The following ATXN7L1 variants were observed in gnomAD, a reference collection of about 807,000 sequenced individuals.
ATXN7L1 encodes ataxin-7-like protein 1.
ATXN7L1 carries 15 observed loss-of-function variants against 70.8 expected under a neutral mutation model. The ratio of observed to expected loss-of-function variants is 0.21; its 90% CI spans 0.14 to 0.33. The LOEUF (loss-of-function observed/expected upper bound fraction) is 0.33. Ranked by LOEUF, ATXN7L1 falls within the 10% of genes least tolerant of loss-of-function variation. The pLI is 1.00. For synonymous variants in ATXN7L1, 440 were observed against 445.1 expected, an observed-to-expected ratio of 0.99 and a Z score of 0.14; for missense variants, 975 against 1,097.1, an observed-to-expected ratio of 0.89 and a Z score of 1.57.
intron 7 of ATXN7L1, among the ~76,000 whole-genome samples, chr7:105,631,356 T>G (rs1303635362): frequency 6.6e-6 from 1 of 152,158 alleles, no homozygotes; most frequent in Non-Finnish European, 1.5e-5. Context: ...GAGGACTAAA[T>G]ACAGCTCAAG....
chr7:105,661,062 G>C (rs1266735957), intron 4 of ATXN7L1, among the ~76,000 whole-genome samples: 1 of 152,204 alleles, frequency 6.6e-6, no homozygotes, highest in Non-Finnish European at 1.5e-5. Context: ...GCAGTGTACA[G>C]TTGTATAGGT....
chr7:105,627,780 C>T (rs184358794), intron 7 of ATXN7L1, among the ~76,000 whole-genome samples: 12 of 150,200 alleles, frequency 8.0e-5, no homozygotes, highest in Non-Finnish European at 1.3e-4. Context: ...GATCTGCCCT[C>T]CTCCACCTTC....
chr7:105,662,101 CTTTTCTT>C (rs1562967910), intron 4 of ATXN7L1, among the ~76,000 whole-genome samples: 6 of 110,550 alleles, frequency 5.4e-5, no homozygotes, highest in Admixed American at 2.0e-4. Context: ...CTTTTCTTTT[CTTTTCTT>C]TTTTTTTTTT....
chr7:105,696,950 G>A (rs1027803744), intron 3 of ATXN7L1, among the ~76,000 whole-genome samples: 11 of 152,116 alleles, frequency 7.2e-5, no homozygotes, highest in Non-Finnish European at 1.0e-4. Flanking sequence ...GATCCGTGAT[G>A]CCCCACACGC....
intron 2 of ATXN7L1, among the ~76,000 whole-genome samples, chr7:105,819,202 T>C (rs1329472968): frequency 6.6e-6 from 1 of 152,082 alleles, no homozygotes; most frequent in Non-Finnish European, 1.5e-5. Context: ...TTAAATTTGG[T>C]TTTTAAATTT....
intron 3 of ATXN7L1, among the ~76,000 whole-genome samples, chr7:105,684,673 C>A (rs1168850867): frequency 6.6e-6 from 1 of 152,204 alleles, no homozygotes; most frequent in Non-Finnish European, 1.5e-5. Context: ...AATCTGCTCT[C>A]CCTCCCAAAT....
intron 3 of ATXN7L1, among the ~76,000 whole-genome samples, chr7:105,766,099 C>G (rs1801215301): frequency 1.3e-5 from 2 of 151,402 alleles, no homozygotes; most frequent in African/African-American, 4.9e-5. Context: ...AGGGGCTGAG[C>G]TCATTCGCCA....
intron 2 of ATXN7L1, among the ~76,000 whole-genome samples, chr7:105,862,980 C>G (rs970389370): frequency 6.6e-6 from 1 of 152,116 alleles, no homozygotes; most frequent in African/African-American, 2.4e-5. Context: ...GACTTTCACA[C>G]CCACTTAGCA....
intron 3 of ATXN7L1, among the ~76,000 whole-genome samples, chr7:105,685,629 T>C (rs576234433): frequency 3.3e-4 from 50 of 152,268 alleles, no homozygotes; most frequent in African/African-American, 1.2e-3. Flanking sequence ...ACACACTTTC[T>C]CTCCATGGTC....
chr7:105,634,355 TTGTC>T (rs1344253552), intron 7 of ATXN7L1, among the ~76,000 whole-genome samples: 1 of 152,186 alleles, frequency 6.6e-6, no homozygotes, highest in Admixed American at 6.5e-5. Flanking sequence ...GAGCATCAGT[TTGTC>T]TGAGCGCATT....
At chr7:105,635,126 C>T (rs1797168479) in intron 7 of ATXN7L1, among the ~76,000 whole-genome samples, 1 of 152,188 alleles carries the variant, frequency 6.6e-6, no homozygotes, top group Non-Finnish European at 1.5e-5. Context: ...GTGTAAGCAT[C>T]TATGAGACAG....
intron 3 of ATXN7L1, among the ~76,000 whole-genome samples, chr7:105,727,382 C>G (rs1795933831): frequency 1.3e-5 from 2 of 151,870 alleles, no homozygotes; most frequent in South Asian, 2.1e-4. Context: ...GAAAAACACA[C>G]AGCAGGCCAG....
chr7:105,851,650 C>T (rs1814900249), intron 2 of ATXN7L1, among the ~76,000 whole-genome samples: 1 of 152,162 alleles, frequency 6.6e-6, no homozygotes. Context: ...GTGGCTCACC[C>T]CCTTGTTATT....
chr7:105,634,672 A>G (rs1284621414), intron 7 of ATXN7L1, among the ~76,000 whole-genome samples: 1 of 152,152 alleles, frequency 6.6e-6, no homozygotes, highest in Non-Finnish European at 1.5e-5. Context: ...GAAAAAAACT[A>G]TTATAAAGCT....
chr7:105,853,546 T>G (rs966906407), intron 2 of ATXN7L1, among the ~76,000 whole-genome samples: 14 of 150,866 alleles, frequency 9.3e-5, no homozygotes, highest in African/African-American at 2.9e-4. Flanking sequence ...AGAGCAAGAC[T>G]CGGTCTCAAA....
At position 105,720,297 on chromosome 7, in the gene ATXN7L1, G is replaced by C. The variant is rs1171736223; in HGVS notation, c.356-55009C>G. ...GCCTGTAATCCCAGCACTTTGGGAG[G>C]CTGAGGTGGGTGAATTGCCTGAGGT... On this transcript the variant is annotated intron_variant, in intron 3 of 11. Transcript: ENST00000419735. Among the ~76,000 whole-genome samples the C allele has an allele frequency of 2.0e-5, 3 of 152,142 alleles. No individual in the cohort carries two copies. The East Asian group carries it at 5.8e-4, about 29-fold the overall frequency.
chr7:105,825,824 C>A (rs1469842960), intron 2 of ATXN7L1, among the ~76,000 whole-genome samples: 2 of 152,118 alleles, frequency 1.3e-5, no homozygotes, highest in Non-Finnish European at 2.9e-5. Context: ...CAGTGTCTCT[C>A]ATTTTCTGAG....
intron 3 of ATXN7L1, chr7:105,788,239 T>C (rs1213428324): frequency 2.5e-5 from 5 of 200,576 alleles, no homozygotes; most frequent in Non-Finnish European, 5.2e-5. Context: ...GGGGAGACTC[T>C]CTCCTGACCC....
intron 3 of ATXN7L1, among the ~76,000 whole-genome samples, chr7:105,782,740 T>A (rs1803716468): frequency 1.3e-5 from 2 of 152,226 alleles, no homozygotes; most frequent in African/African-American, 4.8e-5. Context: ...CTAATGTGAA[T>A]GTAAACCAAT....
Sources: gnomAD v4.1 joint callset for allele counts (sites outside exome capture counted in the v4.1 genomes callset) on GRCh38, gnomAD v4.1.1 for gene constraint, MANE v1.5 for transcripts, NCBI Gene and HGNC (gene_info 2026-07-23, HGNC 2026-07-21) for gene names.